Variants in NT5DC1 observed in about 807,000 individuals in gnomAD.
The protein encoded by NT5DC1 is 5'-nucleotidase domain containing 1, also known as 5'-nucleotidase domain-containing protein 1.
A neutral mutation model predicts 59.4 loss-of-function variants in NT5DC1; 42 were observed. That is an observed-to-expected ratio of 0.71 (90% CI 0.55 to 0.92). NT5DC1 has a LOEUF of 0.92. Ranked by LOEUF, NT5DC1 falls within the 40% of genes least tolerant of loss-of-function variation. The probability of loss-of-function intolerance (pLI) is 0.00; values close to 1 mark genes in which losing one functional copy is unlikely to be tolerated. For synonymous variants in NT5DC1, 172 were observed against 188.1 expected (o/e 0.91, Z 0.70); for missense variants, 501 against 537.1 (o/e 0.93, Z 0.66).
At chr6:116,235,175 A>T (rs143675129) in intron 8 of NT5DC1, among the ~76,000 whole-genome samples, 3 of 152,224 alleles carry the variant, frequency 2.0e-5, no homozygotes, top group Non-Finnish European at 2.9e-5. Context: ...AGATATCTAC[A>T]TATCAACTGT....
chr6:116,177,733 TTAAA>T (rs1372825436), intron 6 of NT5DC1, among the ~76,000 whole-genome samples: 1 of 151,990 alleles, frequency 6.6e-6, no homozygotes, highest in African/African-American at 2.4e-5. Context: ...ATCTAAGTAA[TTAAA>T]TAATAATATT....
At chr6:116,170,592 T>A (rs1780582694) in intron 6 of NT5DC1, among the ~76,000 whole-genome samples, 1 of 152,208 alleles carries the variant, frequency 6.6e-6, no homozygotes. Context: ...TTTGTTTTAG[T>A]CACTTTTAAA....
chr6:116,190,595 TG>T (rs1180936224), intron 6 of NT5DC1, among the ~76,000 whole-genome samples: 1 of 152,022 alleles, frequency 6.6e-6, no homozygotes, highest in African/African-American at 2.4e-5. Flanking sequence ...ACAGTGGTTG[TG>T]GGGGTAAACA....
In NT5DC1 at chr6:116,110,862, C is replaced by CA. The variant is rs1778861124; in HGVS notation, c.271dup (p.Thr91AsnfsTer42). On this transcript the variant is annotated frameshift_variant, in exon 4 of 12. Coordinates refer to ENST00000319550, the MANE Select transcript of NT5DC1 (RefSeq NM_152729.3). LOFTEE classifies it high-confidence loss of function. ...CTCTCAAAATCAGGGCAAGCCATGG[C>CA]ACCAAGATGATGACTCCAGAGGTGC... 1.9e-6 allele frequency: 3 copies of CA among 1,613,382 alleles called. No homozygotes were observed. The highest frequency in any genetic ancestry group is 2.5e-6 in the Non-Finnish European group (3 of 1,179,388).
rs968620907 is a variant in NT5DC1 at position 116,247,186 on chromosome 6, A to G, written c.*3162A>G. ...ATTCTCAGCCCAAAACCACACTTCA[A>G]TTTAGCAATAATGTCGTGCTAGGAC... On this transcript the variant is annotated 3_prime_UTR_variant, in exon 12 of 12. Transcript: ENST00000319550. 5.3e-5 allele frequency: 8 copies of G among 152,156 alleles called. No individual in the cohort carries two copies. Among genetic ancestry groups the G allele is most frequent in the African/African-American group, 1.9e-4 (8 of 41,446 alleles). 9.4% of individuals were successfully genotyped at this position (152,156 alleles called of 1,614,324 possible). A position where few individuals can be genotyped will look rare whatever the true frequency, so the allele number is the denominator to read the frequency against.
chr6:116,120,087 C>T, intron 6 of NT5DC1: 1 of 1,614,058 alleles, frequency 6.2e-7, no homozygotes. Context: ...ATTGGAGCCA[C>T]TAGGAATCCT....
rs989622187 is a variant in NT5DC1, at chr6:116,130,495, G to A, written c.529+12550G>A. ...CTTCTAATGTTTTGTACCTTTCGTG[G>A]CCCAGATCTACAATAAGACATTTCT... On this transcript the variant is annotated intron_variant, in intron 6 of 11. Coordinates refer to ENST00000319550, the MANE Select transcript of NT5DC1 (RefSeq NM_152729.3). Among the ~76,000 whole-genome samples the A allele has an allele frequency of 2.6e-5, 4 of 151,336 alleles. No individual in the cohort carries two copies. In the South Asian group the frequency reaches 6.3e-4, roughly 24 times the overall value.
intron 8 of NT5DC1, among the ~76,000 whole-genome samples, chr6:116,235,815 T>G (rs1476117767): frequency 6.6e-6 from 1 of 152,228 alleles, no homozygotes; most frequent in African/African-American, 2.4e-5. Context: ...AGAGATGTAT[T>G]TTTAATGACT....
At chr6:116,117,829 T>C (rs1249358082) in intron 5 of NT5DC1, 32 bp from the exon 6 acceptor site, 1 of 1,231,692 alleles carries the variant, frequency 8.1e-7, no homozygotes, top group Non-Finnish European at 1.2e-6. Flanking sequence ...ACTGAATTAT[T>C]GTGTTTGTTT....
At chr6:116,199,170 T>C (rs1468738256) in intron 6 of NT5DC1, among the ~76,000 whole-genome samples, 1 of 152,040 alleles carries the variant, frequency 6.6e-6, no homozygotes, top group Non-Finnish European at 1.5e-5. Flanking sequence ...AAAATATCTT[T>C]CCATGAAAGA....
At chr6:116,115,657 G>A (rs999773183) in intron 4 of NT5DC1, 34 bp from the exon 5 acceptor site, 11 of 1,041,848 alleles carry the variant, frequency 1.1e-5, no homozygotes, top group African/African-American at 1.6e-5. Context: ...GCAGCATTAT[G>A]TTGTTCCCAG....
chr6:116,110,790 T>C (rs766698808), intron 3 of NT5DC1, 60 bp from the exon 4 acceptor site: 3 of 1,165,564 alleles, frequency 2.6e-6, no homozygotes, highest in Non-Finnish European at 2.6e-6. Flanking sequence ...GTCACAATGA[T>C]AGAGGAAGGG....
chr6:116,117,680 G>T (rs1218196772), intron 5 of NT5DC1, among the ~76,000 whole-genome samples, 181 bp from the exon 6 acceptor site: 1 of 151,982 alleles, frequency 6.6e-6, no homozygotes, highest in Non-Finnish European at 1.5e-5. Context: ...TTGTTGTATG[G>T]GTACTTGAAG....
intron 6 of NT5DC1, among the ~76,000 whole-genome samples, chr6:116,196,898 TC>T (rs1323313478): frequency 6.6e-6 from 1 of 151,608 alleles, no homozygotes; most frequent in Non-Finnish European, 1.5e-5. Flanking sequence ...CCTCCCCTCT[TC>T]TACTCTGGTG....
intron 6 of NT5DC1, among the ~76,000 whole-genome samples, chr6:116,180,819 A>G (rs532406926): frequency 6.6e-6 from 1 of 152,212 alleles, no homozygotes; most frequent in East Asian, 1.9e-4. Context: ...ACTGTAGGTT[A>G]GAGGACATTT....
chr6:116,180,054 A>G (rs564988932), intron 6 of NT5DC1, among the ~76,000 whole-genome samples: 36 of 152,228 alleles, frequency 2.4e-4, no homozygotes, highest in Admixed American at 1.6e-3. Context: ...GGTGTTCTCT[A>G]TAACTGTGTT....
intron 11 of NT5DC1, among the ~76,000 whole-genome samples, chr6:116,242,794 G>C (rs898924429): frequency 6.6e-6 from 1 of 152,206 alleles, no homozygotes; most frequent in African/African-American, 2.4e-5. Flanking sequence ...CAAAGGGTTT[G>C]AGGAGACAAC....
At chr6:116,182,222 A>AGAGAGTGTGTGTGTGT (rs148509481) in intron 6 of NT5DC1, among the ~76,000 whole-genome samples, 12 of 124,606 alleles carry the variant, frequency 9.6e-5, no homozygotes, top group South Asian at 5.7e-4. Flanking sequence ...TTCCATGGAG[A>AGAGAGTGTGTGTGTGT]GTGTGTGTGT....
At chr6:116,111,095 T>C in intron 4 of NT5DC1, 139 bp downstream of exon 4, 2 of 617,114 alleles carry the variant, frequency 3.2e-6, no homozygotes, top group Non-Finnish European at 2.9e-6. Flanking sequence ...TTTATAGCAA[T>C]AGGATGTATT....
Sources: gnomAD v4.1 joint callset for allele counts (sites outside exome capture counted in the v4.1 genomes callset) on GRCh38, gnomAD v4.1.1 for gene constraint, MANE v1.5 for transcripts, NCBI Gene and HGNC (gene_info 2026-07-23, HGNC 2026-07-21) for gene names.